GPC6: variants seen among roughly 807,000 people sequenced by gnomAD.
GPC6 encodes the protein glypican 6, also known as glypican-6.
Under a neutral mutation model 55.2 loss-of-function variants are expected in GPC6, and 14 were observed. The ratio of observed to expected loss-of-function variants is 0.25; its 90% CI spans 0.17 to 0.40. GPC6 has a LOEUF of 0.40. Among genes scored for constraint, GPC6 ranks in the 10% least tolerant of loss-of-function variants. The pLI, the probability that GPC6 is intolerant of heterozygous loss-of-function variation, is 1.00. For missense variants in GPC6, 641 were observed against 708.5 expected (o/e 0.90, Z 1.08); for synonymous variants, 278 against 259.6 (o/e 1.07, Z -0.68).
chr13:93,243,039 C>T (rs934987233), intron 1 of GPC6, among the ~76,000 whole-genome samples: 1 of 152,164 alleles, frequency 6.6e-6, no homozygotes, highest in African/African-American at 2.4e-5. Flanking sequence ...GGACCCTGTT[C>T]GAGATGGTAG....
At chr13:93,849,513 C>G (rs1466789606) in intron 3 of GPC6, among the ~76,000 whole-genome samples, 4 of 152,124 alleles carry the variant, frequency 2.6e-5, no homozygotes, top group Non-Finnish European at 5.9e-5. Context: ...TAGCTCTCAC[C>G]TAGATGCAGT....
intron 3 of GPC6, among the ~76,000 whole-genome samples, chr13:93,883,485 A>G (rs1240361569): frequency 6.6e-6 from 1 of 151,972 alleles, no homozygotes; most frequent in Non-Finnish European, 1.5e-5. Context: ...AATATTTGCC[A>G]TAATTCAGTA....
At chr13:93,449,836 G>A (rs1306908772) in intron 1 of GPC6, among the ~76,000 whole-genome samples, 2 of 150,422 alleles carry the variant, frequency 1.3e-5, no homozygotes, top group African/African-American at 4.9e-5. Context: ...AAAAAAAAGA[G>A]TAAAGTATAA....
chr13:93,449,764 G>T (rs1264879747), intron 1 of GPC6, among the ~76,000 whole-genome samples: 1 of 151,658 alleles, frequency 6.6e-6, no homozygotes, highest in Non-Finnish European at 1.5e-5. Context: ...GGAGGCAGAG[G>T]TTGCAGTGAG....
chr13:93,967,144 C>T lies in GPC6; in HGVS notation c.712-60585C>T, dbSNP rs978578801. On this transcript the variant is annotated intron_variant, in intron 3 of 8. Coordinates refer to ENST00000377047, the MANE Select transcript of GPC6 (RefSeq NM_005708.5). ...CATGTGGTGGTTTTGCTACTTTTTT[C>T]TCCATTTCATTTACGCAAGCATTTG... 2.6e-5 allele frequency among the ~76,000 whole-genome samples: 4 copies of T among 152,080 alleles called. No homozygotes were observed. In the South Asian group the frequency reaches 8.3e-4, roughly 32 times the overall value.
chr13:93,697,387 C>T (rs1048199635), intron 2 of GPC6, among the ~76,000 whole-genome samples: 5 of 152,128 alleles, frequency 3.3e-5, no homozygotes, highest in Non-Finnish European at 5.9e-5. Flanking sequence ...TAGCCATGCA[C>T]CCTCACTCCT....
At chr13:93,882,494 C>G (rs1875055754) in intron 3 of GPC6, among the ~76,000 whole-genome samples, 1 of 152,042 alleles carries the variant, frequency 6.6e-6, no homozygotes, top group Non-Finnish European at 1.5e-5. Context: ...TTGTTTATAT[C>G]ATACATTAGT....
intron 2 of GPC6, among the ~76,000 whole-genome samples, chr13:93,602,998 T>C (rs770145380): frequency 6.9e-6 from 1 of 145,528 alleles, no homozygotes; most frequent in Non-Finnish European, 1.5e-5. Context: ...TTTTTCTTTT[T>C]TCTTTTTCTT....
chr13:93,511,540 T>A (rs1880974500), intron 1 of GPC6, among the ~76,000 whole-genome samples: 1 of 152,032 alleles, frequency 6.6e-6, no homozygotes, highest in Non-Finnish European at 1.5e-5. Context: ...TCTGTGTATC[T>A]ACTTTTTTCC....
chr13:94,332,910 G>A (rs1295405713), intron 6 of GPC6, among the ~76,000 whole-genome samples: 1 of 152,120 alleles, frequency 6.6e-6, no homozygotes, highest in Non-Finnish European at 1.5e-5. Flanking sequence ...AGTTATGAGA[G>A]AGGTTAACAT....
At chr13:93,549,634 A>G (rs1875033892) in intron 2 of GPC6, among the ~76,000 whole-genome samples, 1 of 152,116 alleles carries the variant, frequency 6.6e-6, no homozygotes, top group African/African-American at 2.4e-5. Context: ...TCCAGTTCCC[A>G]GATGTGCTGG....
At chr13:93,657,599 G>C (rs1880732815) in intron 2 of GPC6, among the ~76,000 whole-genome samples, 1 of 151,924 alleles carries the variant, frequency 6.6e-6, no homozygotes, top group South Asian at 2.1e-4. Flanking sequence ...AATTTGACAA[G>C]TGGGATCTAA....
chr13:94,004,435 T>C (rs986054944), intron 3 of GPC6, among the ~76,000 whole-genome samples: 6 of 152,122 alleles, frequency 3.9e-5, no homozygotes, highest in African/African-American at 1.4e-4. Context: ...CCCAGTTTCA[T>C]GTCTGAAAAT....
chr13:93,347,605 G>A (rs1194113024), intron 1 of GPC6, among the ~76,000 whole-genome samples: 2 of 152,078 alleles, frequency 1.3e-5, no homozygotes, highest in African/African-American at 4.8e-5. Flanking sequence ...TCGAACAAAC[G>A]TGCTAGCCAG....
In GPC6 at chr13:93,895,234, G is replaced by GTATATA. The variant is rs60375718; in HGVS notation, c.711+64727_711+64732dup. Among the ~76,000 whole-genome samples the GTATATA allele has an allele frequency of 7.8e-4, 84 of 108,178 alleles. 2 individuals are homozygous for GTATATA. Among genetic ancestry groups the GTATATA allele is most frequent in the East Asian group, 1.5e-3 (6 of 3,890 alleles). 71.0% of individuals were successfully genotyped at this position (108,178 alleles called of 152,430 possible). ...TGTGTGTGTATGTATGTGTGTGTGT[G>GTATATA]TATATATATATATATATATATATAT... On this transcript the variant is annotated intron_variant, in intron 3 of 8. Coordinates refer to ENST00000377047, the MANE Select transcript of GPC6 (RefSeq NM_005708.5).
chr13:93,389,734 A>C (rs1419440413), intron 1 of GPC6, among the ~76,000 whole-genome samples: 1 of 151,978 alleles, frequency 6.6e-6, no homozygotes, highest in East Asian at 1.9e-4. Context: ...GTAAAGGGAA[A>C]TCAGCATGGA....
At chr13:94,335,276 A>G (rs1877622574) in intron 6 of GPC6, among the ~76,000 whole-genome samples, 1 of 152,244 alleles carries the variant, frequency 6.6e-6, no homozygotes, top group Non-Finnish European at 1.5e-5. Context: ...AGCCTTTCAA[A>G]TTAAGGTGGA....
At chr13:93,918,805 G>A (rs1484056915) in intron 3 of GPC6, among the ~76,000 whole-genome samples, 1 of 152,162 alleles carries the variant, frequency 6.6e-6, no homozygotes, top group East Asian at 1.9e-4. Flanking sequence ...GATCTTCATT[G>A]GGAGAGGTAC....
intron 3 of GPC6, among the ~76,000 whole-genome samples, chr13:93,972,844 G>C (rs1880342933): frequency 6.6e-6 from 1 of 152,076 alleles, no homozygotes; most frequent in Non-Finnish European, 1.5e-5. Context: ...CCTTGCATTT[G>C]TATCTCAGCA....
Sources: allele counts gnomAD v4.1 joint callset (sites outside exome capture counted in the v4.1 genomes callset), GRCh38; gene constraint gnomAD v4.1.1; transcripts MANE v1.5; gene names NCBI Gene and HGNC (gene_info 2026-07-23, HGNC 2026-07-21).